DDR2: variants seen among roughly 807,000 people sequenced by gnomAD.
DDR2 encodes discoidin domain-containing receptor 2.
DDR2 carries 27 observed loss-of-function variants against 94.9 expected under a neutral mutation model. That is an observed-to-expected ratio of 0.28 (90% CI 0.21 to 0.39). DDR2 has a LOEUF of 0.39. Ranked by LOEUF, DDR2 falls within the 10% of genes least tolerant of loss-of-function variation. The pLI, the probability that DDR2 is intolerant of heterozygous loss-of-function variation, is 1.00. For missense variants in DDR2, 783 were observed against 1,076.0 expected (o/e 0.73, Z 3.81); for synonymous variants, 382 against 377.2 (o/e 1.01, Z -0.15).
intron 2 of DDR2, among the ~76,000 whole-genome samples, chr1:162,716,250 G>T (rs1661162724): frequency 6.6e-6 from 1 of 152,136 alleles, no homozygotes; most frequent in Non-Finnish European, 1.5e-5. Context: ...CATGAGAGAG[G>T]TGCCACAGGA....
rs1270686569 is a variant in DDR2, at chr1:162,759,801, C to G, written c.677C>G (p.Thr226Arg). Residue 226 changes from threonine (T) to arginine (R), a missense_variant, in exon 8 of 18, where the codon ACA becomes AGA. Transcript: ENST00000367921. ...TCTTCTCCTGGCCTGAGCAGCATGA[C>G]AGAAGGGCTAGGCCAATTGACCGAT... ...VYDGAVGYSM[T>R]EGLGQLTDGV... The G allele has an allele frequency of 1.9e-6, 3 of 1,613,864 alleles. No individual in the cohort carries two copies. Among genetic ancestry groups the G allele is most frequent in the African/African-American group, 1.3e-5 (1 of 74,914 alleles).
rs1553250264 is a variant in DDR2, at chr1:162,741,209, CAATAT to C, written c.83-11854_83-11850del. 9.5e-3 allele frequency among the ~76,000 whole-genome samples: 660 copies of C among 69,336 alleles called. 16 individuals carry two copies. The highest frequency in any genetic ancestry group is 0.027 in the African/African-American group (613 of 22,764). The allele number at this position is 69,336 out of a possible 152,430, so 45.5% of individuals were successfully genotyped here. ...TAACATAACATAATACAATACAATACAATATAATATAATATAATATAATATAATAT... is the reference window on the plus strand; with the variant it reads ...TAACATAACATAATACAATACAATACAATATAATATAATATAATATAATAT... On this transcript the variant is annotated intron_variant, in intron 3 of 17. Transcript: ENST00000367921.
At chr1:162,765,585 A>G (rs1238274875) in intron 9 of DDR2, among the ~76,000 whole-genome samples, 3 of 151,678 alleles carry the variant, frequency 2.0e-5, no homozygotes, top group Non-Finnish European at 4.4e-5. Flanking sequence ...CATAGTGGAG[A>G]CTCTTTTATA....
intron 3 of DDR2, among the ~76,000 whole-genome samples, chr1:162,734,817 C>A (rs894706115): frequency 6.6e-6 from 1 of 152,086 alleles, no homozygotes; most frequent in Non-Finnish European, 1.5e-5. Context: ...ATCGTGTGGA[C>A]CTCAAGGGTC....
chr1:162,689,841 T>TAAAAAAAA (rs1558028580), intron 2 of DDR2, among the ~76,000 whole-genome samples: 1 of 14,698 alleles, frequency 6.8e-5, no homozygotes, highest in African/African-American at 1.5e-4. Flanking sequence ...CCATCTCTAC[T>TAAAAAAAA]TAAAAAAAAA....
chr1:162,650,079 C>T (rs1447115875), intron 1 of DDR2, among the ~76,000 whole-genome samples: 1 of 152,194 alleles, frequency 6.6e-6, no homozygotes, highest in Non-Finnish European at 1.5e-5. Context: ...CTTTTCTTCT[C>T]TTCCTTCCTC....
At position 162,753,120 on chromosome 1, in the gene DDR2, G is replaced by A; in HGVS notation, c.108G>A (p.Met36Ile). Residue 36 changes from methionine (M) to isoleucine (I), a missense_variant, in exon 4 of 18, where the codon ATG becomes ATA. Transcript: ENST00000367921. ...CTATATGCCGCTATCCTCTGGGCAT[G>A]TCAGGAGGCCAGATTCCAGATGAGG... The part of the protein sequence containing the change: ...NPAICRYPLG[M>I]SGGQIPDEDI... 6.2e-7 allele frequency: 1 copy of A among 1,613,724 alleles called. No homozygotes were observed. The highest frequency in any genetic ancestry group is 8.5e-7 in the Non-Finnish European group (1 of 1,179,740).
At chr1:162,657,537 C>T (rs1658056591) in intron 2 of DDR2, among the ~76,000 whole-genome samples, 1 of 152,164 alleles carries the variant, frequency 6.6e-6, no homozygotes, top group African/African-American at 2.4e-5. Flanking sequence ...AAGATCTTGC[C>T]TCTTTAATGG....
intron 2 of DDR2, among the ~76,000 whole-genome samples, chr1:162,656,029 C>G (rs754223647): frequency 1.2e-4 from 18 of 152,158 alleles, no homozygotes; most frequent in Non-Finnish European, 2.5e-4. Context: ...TATTAGGAAA[C>G]CATTTCCACA....
chr1:162,633,604 C>A (rs1206266892), intron 1 of DDR2, among the ~76,000 whole-genome samples: 1 of 152,238 alleles, frequency 6.6e-6, no homozygotes, highest in East Asian at 1.9e-4. Context: ...CTCTCTACTG[C>A]TAGTCCAGTG....
intron 3 of DDR2, among the ~76,000 whole-genome samples, chr1:162,749,613 T>C (rs1663074644): frequency 6.6e-6 from 1 of 152,126 alleles, no homozygotes; most frequent in Admixed American, 6.5e-5. Context: ...CTGAAACTAT[T>C]CCAGTCAATA....
intron 6 of DDR2, 149 bp from the exon 7 acceptor site, chr1:162,755,515 G>A: frequency 9.9e-7 from 1 of 1,006,306 alleles, no homozygotes. Context: ...TGACTGCCAT[G>A]GAGGGGCACT....
chr1:162,641,895 A>T (rs2101889768), intron 1 of DDR2, among the ~76,000 whole-genome samples: 1 of 152,322 alleles, frequency 6.6e-6, no homozygotes, highest in Non-Finnish European at 1.5e-5. Flanking sequence ...AGCTTATGTG[A>T]AAACTCGGTT....
intron 3 of DDR2, among the ~76,000 whole-genome samples, chr1:162,746,672 C>A (rs1558061152): frequency 1.3e-5 from 2 of 152,230 alleles, no homozygotes; most frequent in Non-Finnish European, 2.9e-5. Context: ...CCTGCCTCAT[C>A]AAGTGGGTCC....
At chr1:162,687,959 A>G (rs1016813698) in intron 2 of DDR2, among the ~76,000 whole-genome samples, 3 of 152,216 alleles carry the variant, frequency 2.0e-5, no homozygotes, top group South Asian at 2.1e-4. Context: ...TTTCACAGCT[A>G]TTTGAAGCTG....
intron 2 of DDR2, among the ~76,000 whole-genome samples, chr1:162,698,654 T>C (rs16843598): frequency 0.044 from 6,718 of 152,254 alleles, 217 homozygotes; most frequent in East Asian, 0.15. Context: ...TAGGTGGGCA[T>C]GGCTCAAGCA....
At chr1:162,772,470 G>T in intron 13 of DDR2, 2 of 562,204 alleles carry the variant, frequency 3.6e-6, no homozygotes, top group Non-Finnish European at 3.2e-6. Context: ...AGTTTTTAAG[G>T]CAGGCAAGTC....
chr1:162,736,819 G>T (rs906424257), intron 3 of DDR2, among the ~76,000 whole-genome samples: 1 of 152,154 alleles, frequency 6.6e-6, no homozygotes, highest in Admixed American at 6.5e-5. Flanking sequence ...TTACTTTACT[G>T]AATTAGACAC....
At chr1:162,704,272 A>C (rs1419018420) in intron 2 of DDR2, among the ~76,000 whole-genome samples, 7 of 151,872 alleles carry the variant, frequency 4.6e-5, no homozygotes, top group Non-Finnish European at 8.8e-5. Flanking sequence ...TCCATTCCCC[A>C]ATCACCAGAA....
Sources: gnomAD v4.1 joint callset for allele counts (sites outside exome capture counted in the v4.1 genomes callset) on GRCh38, gnomAD v4.1.1 for gene constraint, MANE v1.5 for transcripts, NCBI Gene and HGNC (gene_info 2026-07-23, HGNC 2026-07-21) for gene names.